E2F6: variants seen among roughly 807,000 people sequenced by gnomAD.
E2F6 encodes transcription factor E2F6.
E2F6 carries 19 observed loss-of-function variants against 31.5 expected under a neutral mutation model. That is an observed-to-expected ratio of 0.60 (90% CI 0.42 to 0.89). The LOEUF (loss-of-function observed/expected upper bound fraction) is 0.89, where lower values mean the gene tolerates loss of function less well. Among genes scored for constraint, E2F6 ranks in the 40% least tolerant of loss-of-function variants. E2F6 has a pLI of 0.00. For missense variants in E2F6, 269 were observed against 341.6 expected (o/e 0.79, Z 1.67); for synonymous variants, 121 against 127.7 (o/e 0.95, Z 0.36).
chr2:11,463,458 C>T (rs1037301211), intron 1 of E2F6, among the ~76,000 whole-genome samples: 9 of 152,150 alleles, frequency 5.9e-5, no homozygotes, highest in Non-Finnish European at 7.4e-5. Flanking sequence ...TAACTGTTTA[C>T]GGTATCAGTA....
chr2:11,453,567 T>C lies in E2F6; in HGVS notation c.380+15A>G, dbSNP rs192812363. On this transcript the variant is annotated intron_variant, in intron 3 of 6. Transcript: ENST00000381525. ...GAAGGAACAAAAGCCACGAAAAAGT[T>C]TGAAAGCAACTCACATCCATCTAAT... 233 of 1,612,008 alleles carry C rather than the reference T, an allele frequency of 1.4e-4. 4 individuals carry two copies. The South Asian group carries it at 2.2e-3, about 16-fold the overall frequency.
intron 1 of E2F6, among the ~76,000 whole-genome samples, chr2:11,462,487 T>A (rs1009209086): frequency 1.3e-5 from 2 of 152,228 alleles, no homozygotes; most frequent in Admixed American, 6.5e-5. Context: ...CTTAGCGACC[T>A]CAGAATAAGA....
chr2:11,464,517 CAAAAAAAAA>C (rs559562627), intron 1 of E2F6, among the ~76,000 whole-genome samples: 2 of 44,658 alleles, frequency 4.5e-5, no homozygotes, highest in Non-Finnish European at 8.1e-5. Context: ...ACTTCGTCAC[CAAAAAAAAA>C]AAAAAAAAAA....
rs1349834551 is a variant in E2F6, at chr2:11,444,916, CTTTT to C, written c.*1557_*1560del. On this transcript the variant is annotated 3_prime_UTR_variant, in exon 7 of 7. Transcript: ENST00000381525. ...TGATGATCAGCAGTGCCCCCTGCAG[CTTTT>C]CTTTGGCTAATTTCAAATAATAAAA... The C allele has an allele frequency of 1.3e-5, 2 of 152,202 alleles. No individual in the cohort carries two copies. The highest frequency in any genetic ancestry group is 2.9e-5 in the Non-Finnish European group (2 of 68,042). The allele number at this position is 152,202 out of a possible 1,614,324, so 9.4% of individuals were successfully genotyped here.
At position 11,445,917 on chromosome 2, in the gene E2F6, G is replaced by A. The variant is rs1481113017; in HGVS notation, c.*560C>T. 6.6e-6 allele frequency: 1 copy of A among 152,184 alleles called. No individual in the cohort carries two copies. The highest frequency in any genetic ancestry group is 2.4e-5 in the African/African-American group (1 of 41,278). 9.4% of individuals were successfully genotyped at this position (152,184 alleles called of 1,614,324 possible). A position where few individuals can be genotyped will look rare whatever the true frequency, so the allele number is the denominator to read the frequency against. ...ATTCTAATAAGTTATAGGTACCAAA[G>A]AGATTAGAGAATTTGTCTGTCACTT... On this transcript the variant is annotated 3_prime_UTR_variant, in exon 7 of 7. Coordinates refer to ENST00000381525, the MANE Select transcript of E2F6 (RefSeq NM_198256.4).
chr2:11,460,421 A>G (rs1671704034), intron 1 of E2F6, among the ~76,000 whole-genome samples: 1 of 152,200 alleles, frequency 6.6e-6, no homozygotes, highest in Admixed American at 6.5e-5. Flanking sequence ...GTCCTTGGAC[A>G]ACAACTTCAG....
At position 11,457,247 on chromosome 2, in the gene E2F6, TAAA is replaced by T. The variant is rs1558459215; in HGVS notation, c.109-17_109-15del. ...TATTTTTGATGGCTGAAAAAAAAGATAAAAAATTTAACTTAGTGATTTTAAAAC... is the reference window on the plus strand; with the variant it reads ...TATTTTTGATGGCTGAAAAAAAAGATAAATTTAACTTAGTGATTTTAAAAC... On this transcript the variant is annotated splice_polypyrimidine_tract_variant and intron_variant, in intron 1 of 6. Coordinates refer to ENST00000381525, the MANE Select transcript of E2F6 (RefSeq NM_198256.4). 1 of 1,476,540 alleles carries T rather than the reference TAAA, an allele frequency of 6.8e-7. No individual in the cohort carries two copies. Among genetic ancestry groups the T allele is most frequent in the Admixed American group, 1.7e-5 (1 of 58,568 alleles). 91.5% of individuals were successfully genotyped at this position (1,476,540 alleles called of 1,614,324 possible). A position where few individuals can be genotyped will look rare whatever the true frequency, so the allele number is the denominator to read the frequency against.
chr2:11,454,290 G>A (rs375502186), intron 2 of E2F6, among the ~76,000 whole-genome samples: 133 of 151,856 alleles, frequency 8.8e-4, no homozygotes, highest in Middle Eastern at 3.4e-3. Context: ...TTTTGAAAGA[G>A]CCCAAACTAG....
At chr2:11,465,193 A>AAG (rs1672078142) in intron 1 of E2F6, among the ~76,000 whole-genome samples, 2 of 149,988 alleles carry the variant, frequency 1.3e-5, no homozygotes, top group African/African-American at 4.9e-5. Flanking sequence ...AAAAAAAAAA[A>AAG]AAAGAAAAAA....
At chr2:11,450,972 AG>A (rs1393804665) in intron 4 of E2F6, among the ~76,000 whole-genome samples, 1 of 151,788 alleles carries the variant, frequency 6.6e-6, no homozygotes, top group East Asian at 1.9e-4. Context: ...AGGCTCCCCC[AG>A]CCCCACCCCC....
At chr2:11,453,505 C>T in intron 3 of E2F6, 77 bp downstream of exon 3, 1 of 1,298,772 alleles carries the variant, frequency 7.7e-7, no homozygotes, top group African/African-American at 1.5e-5. Context: ...AAAACACTGC[C>T]ACTATCTAGT....
intron 1 of E2F6, chr2:11,458,251 A>C: frequency 6.4e-7 from 1 of 1,551,236 alleles, no homozygotes; most frequent in Non-Finnish European, 8.7e-7. Context: ...CAACAGCAGT[A>C]CTAGGGATAC....
intron 1 of E2F6, among the ~76,000 whole-genome samples, chr2:11,460,750 C>A (rs1671724729): frequency 6.6e-6 from 1 of 152,142 alleles, no homozygotes; most frequent in African/African-American, 2.4e-5. Context: ...TGCTGCTAGG[C>A]CACAAACCTG....
chr2:11,448,308 T>C (rs191276284), intron 5 of E2F6, among the ~76,000 whole-genome samples: 6 of 152,370 alleles, frequency 3.9e-5, no homozygotes, highest in African/African-American at 1.2e-4. Context: ...AAAATACTTT[T>C]TTTCCGTAAG....
At position 11,457,245 on chromosome 2, in the gene E2F6, G is replaced by A. The variant is rs371574917; in HGVS notation, c.109-12C>T. 2.0e-6 allele frequency: 3 copies of A among 1,492,000 alleles called. No homozygotes were observed. Among genetic ancestry groups the A allele is most frequent in the African/African-American group, 1.4e-5 (1 of 72,184 alleles). 92.4% of individuals were successfully genotyped at this position (1,492,000 alleles called of 1,614,324 possible). ...CTTATTTTTGATGGCTGAAAAAAAAGATAAAAAATTTAACTTAGTGATTTT... is the reference window on the plus strand; with the variant it reads ...CTTATTTTTGATGGCTGAAAAAAAAAATAAAAAATTTAACTTAGTGATTTT... On this transcript the variant is annotated splice_polypyrimidine_tract_variant and intron_variant, in intron 1 of 6. Coordinates refer to ENST00000381525, the MANE Select transcript of E2F6 (RefSeq NM_198256.4).
intron 1 of E2F6, among the ~76,000 whole-genome samples, chr2:11,458,657 T>C (rs1038569817): frequency 6.6e-6 from 1 of 152,192 alleles, no homozygotes; most frequent in Non-Finnish European, 1.5e-5. Flanking sequence ...TGAGGAAGCC[T>C]GAAGGCAAGG....
At chr2:11,446,616 T>A in intron 6 of E2F6, 93 bp from the exon 7 acceptor site, 1 of 1,082,648 alleles carries the variant, frequency 9.2e-7, no homozygotes, top group Non-Finnish European at 1.4e-6. Flanking sequence ...ACAATCTGAC[T>A]ACTTCAGAAA....
intron 3 of E2F6, among the ~76,000 whole-genome samples, chr2:11,452,956 T>C (rs140146545): frequency 0.01 from 1,549 of 152,348 alleles, 4 homozygotes; most frequent in Middle Eastern, 0.031. Flanking sequence ...TGGTCTTTGC[T>C]GGTAGGTTTT....
At chr2:11,453,220 G>A (rs751469451) in intron 3 of E2F6, among the ~76,000 whole-genome samples, 29 of 150,584 alleles carry the variant, frequency 1.9e-4, no homozygotes, top group Middle Eastern at 3.4e-3. Context: ...ACCTCGCTAC[G>A]TCATAATCTC....
Sources: gnomAD v4.1 joint callset for allele counts (sites outside exome capture counted in the v4.1 genomes callset) on GRCh38, gnomAD v4.1.1 for gene constraint, MANE v1.5 for transcripts, NCBI Gene and HGNC (gene_info 2026-07-23, HGNC 2026-07-21) for gene names.